The following CD81 variants were observed in gnomAD, a reference collection of about 807,000 sequenced individuals.
CD81 encodes the protein CD81 molecule.
Under a neutral mutation model 30.1 loss-of-function variants are expected in CD81, and 10 were observed. That is an observed-to-expected ratio of 0.33 (90% CI 0.21 to 0.56). The LOEUF (loss-of-function observed/expected upper bound fraction) is 0.56, where lower values mean the gene tolerates loss of function less well. CD81 is among the 20% of genes least tolerant of loss of function. The probability of loss-of-function intolerance (pLI) is 0.89; values close to 1 mark genes in which losing one functional copy is unlikely to be tolerated. For missense variants in CD81, 263 were observed against 308.7 expected (o/e 0.85, Z 1.11); for synonymous variants, 147 against 126.4 (o/e 1.16, Z -1.10).
intron 3 of CD81, 24 bp downstream of exon 3, chr11:2,394,216 G>T: frequency 6.5e-7 from 1 of 1,536,746 alleles, no homozygotes; most frequent in East Asian, 2.3e-5. Context: ...GCGGGCCTGT[G>T]CCTGGGCCGG....
chr11:2,376,831 C>T (rs1325842524), upstream of CD81: 2 of 152,374 alleles, frequency 1.3e-5, no homozygotes, highest in Non-Finnish European at 2.9e-5. Context: ...GTTCCAGCCC[C>T]GGAGAGCAAT....
chr11:2,381,029 G>A (rs866380584), intron 1 of CD81, among the ~76,000 whole-genome samples: 2 of 152,222 alleles, frequency 1.3e-5, no homozygotes, highest in African/African-American at 2.4e-5. Flanking sequence ...CCGTCCTTCC[G>A]GGAGAGGGGC....
intron 1 of CD81, 165 bp from the exon 2 acceptor site, chr11:2,390,246 TC>T: frequency 1.4e-6 from 1 of 698,140 alleles, no homozygotes; most frequent in Non-Finnish European, 2.6e-6. Flanking sequence ...TGCTCCTGAC[TC>T]CCGGGGCTCT....
At chr11:2,388,642 G>C (rs1849840097) in intron 1 of CD81, among the ~76,000 whole-genome samples, 1 of 152,226 alleles carries the variant, frequency 6.6e-6, no homozygotes, top group African/African-American at 2.4e-5. Flanking sequence ...CTGGCACCCA[G>C]CTGGTGGCAG....
intron 1 of CD81, among the ~76,000 whole-genome samples, chr11:2,383,847 G>A (rs800128): frequency 0.57 from 87,006 of 152,160 alleles, 29,433 homozygotes; most frequent in Non-Finnish European, 0.78. Context: ...TGGGGGTAAG[G>A]TATGGGTGGG....
chr11:2,396,842 C>T lies in CD81; in HGVS notation c.687C>T (p.Gly229=). ...EMILSMVLCC[G]IRNSSVY ...TCCTGAGCATGGTGCTGTGCTGTGG[C>T]ATCCGGAACAGCTCCGTGTACTGAG... The change falls in exon 8 of 8, where the codon GGC becomes GGT. Residue 229 remains glycine, a synonymous_variant. Transcript: ENST00000263645. The T allele has an allele frequency of 1.9e-6, 3 of 1,612,786 alleles. No homozygotes were observed. Among genetic ancestry groups the T allele is most frequent in the Non-Finnish European group, 1.7e-6 (2 of 1,180,012 alleles).
rs1254921736 is a variant in CD81, at chr11:2,377,756, G to A, written c.66+141G>A. On this transcript the variant is annotated intron_variant, in intron 1 of 7. Transcript: ENST00000263645. The surrounding 1 kb of genome is among the most constrained non-coding windows in gnomAD (Gnocchi z 7.7). ...GGCCACCTGTGGGCTCCAGGAGCGG[G>A]GTGGGGGGTCGCCCGGGGCCACCGC... 3.0e-6 allele frequency: 1 copy of A among 337,740 alleles called. No homozygotes were observed. Among genetic ancestry groups the A allele is most frequent in the Non-Finnish European group, 5.2e-6 (1 of 193,910 alleles). The allele number at this position is 337,740 out of a possible 1,614,324, so 20.9% of individuals were successfully genotyped here.
At position 2,390,509 on chromosome 11, in the gene CD81, C is replaced by T; in HGVS notation, c.164C>T (p.Pro55Leu). The change falls in exon 2 of 8, where the codon CCC (proline) becomes CTC (leucine). Residue 55 changes from proline to leucine, a missense_variant. Coordinates refer to ENST00000263645, the MANE Select transcript of CD81 (RefSeq NM_004356.4). ...LYLELGDKPA[P>L]NTFYVGIYIL... ...CTGGAGCTGGGAGACAAGCCCGCGCCCAACACCTTCTATGTAGGTGAGTGC... is the reference window on the plus strand; with the variant it reads ...CTGGAGCTGGGAGACAAGCCCGCGCTCAACACCTTCTATGTAGGTGAGTGC... 1 of 1,612,400 alleles carries T rather than the reference C, an allele frequency of 6.2e-7. No individual in the cohort carries two copies. The highest frequency in any genetic ancestry group is 8.5e-7 in the Non-Finnish European group (1 of 1,179,430).
intron 2 of CD81, chr11:2,393,838 CAG>C (rs1849947012): frequency 1.5e-6 from 1 of 651,216 alleles, no homozygotes; most frequent in South Asian, 1.7e-5. Flanking sequence ...CGCCAGCACT[CAG>C]AGCGCTCATG....
intron 1 of CD81, among the ~76,000 whole-genome samples, chr11:2,388,184 T>C (rs1353537240): frequency 6.6e-6 from 1 of 152,162 alleles, no homozygotes; most frequent in African/African-American, 2.4e-5. Context: ...GGTGCTGGGA[T>C]TACAGGCGCT....
Position 2,378,347 on chromosome 11 carries a change from T to C in CD81, c.66+732T>C, listed in dbSNP as rs1849637587. Among the ~76,000 whole-genome samples, 1 of 152,068 alleles carries C rather than the reference T, an allele frequency of 6.6e-6. No homozygotes were observed. On this transcript the variant is annotated intron_variant, in intron 1 of 7. Coordinates refer to ENST00000263645, the MANE Select transcript of CD81 (RefSeq NM_004356.4). The surrounding 1 kb of genome is among the most constrained non-coding windows in gnomAD (Gnocchi z 4.9). ...TCCTCCCAGAAGGGCTCTGGAGGCC[T>C]CGCAGGAGTGGGGATCCCGCGGTTC... is the stretch of plus-strand genomic sequence containing the variant.
chr11:2,396,066 G>T (rs563673685), intron 6 of CD81, 96 bp downstream of exon 6: 1 of 738,998 alleles, frequency 1.4e-6, no homozygotes, highest in South Asian at 1.4e-5. Context: ...GCCCCACAGG[G>T]AGCGACCACA....
chr11:2,396,282 G>T, intron 6 of CD81: 1 of 567,378 alleles, frequency 1.8e-6, no homozygotes, highest in South Asian at 2.0e-5. Context: ...AGCTGGCAGG[G>T]CCTGCAGGCC....
intron 5 of CD81, 35 bp downstream of exon 5, chr11:2,395,555 C>G (rs185357809): frequency 6.6e-7 from 1 of 1,522,182 alleles, no homozygotes; most frequent in African/African-American, 1.4e-5. Context: ...GGGAGCAGGG[C>G]CCCGGGAACC....
intron 4 of CD81, 39 bp downstream of exon 4, chr11:2,395,085 CG>C (rs747552340): frequency 2.0e-6 from 3 of 1,510,668 alleles, no homozygotes; most frequent in Non-Finnish European, 2.8e-6. Flanking sequence ...GGGTGGGTGA[CG>C]GGGGCACCCT....
At chr11:2,383,291 G>T (rs1849733111) in intron 1 of CD81, among the ~76,000 whole-genome samples, 1 of 152,106 alleles carries the variant, frequency 6.6e-6, no homozygotes. Context: ...CACCTAGGAG[G>T]GCCTGAGAGG....
At chr11:2,383,015 G>C (rs1161154650) in intron 1 of CD81, among the ~76,000 whole-genome samples, 1 of 152,206 alleles carries the variant, frequency 6.6e-6, no homozygotes, top group Non-Finnish European at 1.5e-5. Context: ...ATGCCTGGGA[G>C]ACACCAGCAT....
chr11:2,378,112 C>A lies in CD81; in HGVS notation c.66+497C>A, dbSNP rs998287079. 1 of 152,068 alleles carries A rather than the reference C, an allele frequency of 6.6e-6. No individual in the cohort carries two copies. 9.4% of individuals were successfully genotyped at this position (152,068 alleles called of 1,614,324 possible). On this transcript the variant is annotated intron_variant, in intron 1 of 7. Coordinates refer to ENST00000263645, the MANE Select transcript of CD81 (RefSeq NM_004356.4). The surrounding 1 kb of genome is among the most constrained non-coding windows in gnomAD (Gnocchi z 4.9). ...GGTGGGGCGGGGGCGCACACTTTGC[C>A]GGAGGTTGGGGGCGATCCGCCTCAC...
chr11:2,376,578 G>A (rs1402800969), upstream of CD81, among the ~76,000 whole-genome samples: 4 of 152,194 alleles, frequency 2.6e-5, no homozygotes, highest in African/African-American at 9.7e-5. Flanking sequence ...CATCCCTGGG[G>A]CACGACACAA....
Sources: allele counts gnomAD v4.1 joint callset (sites outside exome capture counted in the v4.1 genomes callset), GRCh38; gene constraint gnomAD v4.1.1; non-coding constraint Gnocchi (gnomAD v3.1); transcripts MANE v1.5; gene names NCBI Gene and HGNC (gene_info 2026-07-23, HGNC 2026-07-21).